Variants in HS3ST5 observed in about 807,000 individuals in gnomAD.
HS3ST5 encodes heparan sulfate glucosamine 3-O-sulfotransferase 5.
In HS3ST5, 10 loss-of-function variants were observed where a neutral mutation model predicts 25.4. The ratio of observed to expected loss-of-function variants is 0.39; its 90% CI spans 0.24 to 0.67. The LOEUF (loss-of-function observed/expected upper bound fraction) is 0.67. Among genes scored for constraint, HS3ST5 ranks in the 30% least tolerant of loss-of-function variants. The probability of loss-of-function intolerance (pLI) is 0.44; values close to 1 mark genes in which losing one functional copy is unlikely to be tolerated. For missense variants in HS3ST5, 324 were observed against 420.7 expected (o/e 0.77, Z 2.01); for synonymous variants, 170 against 162.4 (o/e 1.05, Z -0.36).
At chr6:114,216,570 C>T (rs1052525059) in intron 2 of HS3ST5, among the ~76,000 whole-genome samples, 1 of 151,940 alleles carries the variant, frequency 6.6e-6, no homozygotes. Context: ...CATTGCTTTA[C>T]TATCTACAGG....
chr6:114,062,755 C>T lies in HS3ST5; in HGVS notation c.91G>A (p.Val31Ile), dbSNP rs752465476. ...AGCACCCACCTATCCAAGCTCCCAA[C>T]TCTGGCGACTAGATACAGGAGACTC... is the stretch of plus-strand genomic sequence containing the variant. Reference protein sequence around the residue: ...VGSLLYLVARVGSLDRLQPIC... With the variant: ...VGSLLYLVARIGSLDRLQPIC... The change falls in exon 4 of 5, where the codon GTT becomes ATT. Residue 31 changes from valine to isoleucine, a missense_variant. Coordinates refer to ENST00000312719, the MANE Select transcript of HS3ST5 (RefSeq NM_153612.4). 1 of 1,613,748 alleles carries T rather than the reference C, an allele frequency of 6.2e-7. No homozygotes were observed. Among genetic ancestry groups the T allele is most frequent in the Admixed American group, 1.7e-5 (1 of 60,028 alleles).
At chr6:114,078,195 A>T (rs1168420325) in intron 3 of HS3ST5, among the ~76,000 whole-genome samples, 6 of 151,996 alleles carry the variant, frequency 3.9e-5, no homozygotes, top group African/African-American at 1.4e-4. Context: ...ATAAACATAC[A>T]GTTTTCTTTT....
intron 2 of HS3ST5, among the ~76,000 whole-genome samples, chr6:114,210,015 C>T (rs2114426381): frequency 6.6e-6 from 1 of 152,158 alleles, no homozygotes; most frequent in East Asian, 1.9e-4. Context: ...TGTTCATAGC[C>T]TTTGATTTTT....
intron 2 of HS3ST5, among the ~76,000 whole-genome samples, chr6:114,215,903 C>T (rs1416512486): frequency 6.6e-6 from 1 of 152,174 alleles, no homozygotes; most frequent in African/African-American, 2.4e-5. Context: ...GCCACAGAAG[C>T]TTTGTTTCAT....
At chr6:114,178,066 C>G (rs1017440783) in intron 2 of HS3ST5, among the ~76,000 whole-genome samples, 1 of 152,104 alleles carries the variant, frequency 6.6e-6, no homozygotes, top group Non-Finnish European at 1.5e-5. Flanking sequence ...AAGACTTGCT[C>G]TTAACAGTTT....
chr6:114,134,345 G>A (rs547454557), intron 3 of HS3ST5, among the ~76,000 whole-genome samples: 1 of 152,312 alleles, frequency 6.6e-6, no homozygotes, highest in Admixed American at 6.5e-5. Context: ...AGGTTGCACT[G>A]CTGGCTTGGA....
intron 2 of HS3ST5, among the ~76,000 whole-genome samples, chr6:114,215,922 G>T (rs185625518): frequency 6.6e-5 from 10 of 152,232 alleles, no homozygotes; most frequent in African/African-American, 2.2e-4. Context: ...ATTTTGGTGG[G>T]ATCTAATTAC....
intron 1 of HS3ST5, among the ~76,000 whole-genome samples, chr6:114,280,206 G>T (rs1774044947): frequency 6.6e-6 from 1 of 151,916 alleles, no homozygotes; most frequent in Admixed American, 6.6e-5. Context: ...AAAACACAAA[G>T]AATGTGGAAA....
chr6:114,110,917 C>T (rs1776234404), intron 3 of HS3ST5, among the ~76,000 whole-genome samples: 2 of 152,138 alleles, frequency 1.3e-5, no homozygotes, highest in South Asian at 4.2e-4. Context: ...AAGCATAGGG[C>T]AATTTCCTAT....
At chr6:114,148,851 C>T (rs918053156) in intron 3 of HS3ST5, among the ~76,000 whole-genome samples, 2 of 151,972 alleles carry the variant, frequency 1.3e-5, no homozygotes, top group African/African-American at 2.4e-5. Flanking sequence ...ATCTGACAGT[C>T]GTAATATCCA....
In HS3ST5 at chr6:114,335,861, C is replaced by T. The variant is rs577062501; in HGVS notation, c.-339+6334G>A. Among the ~76,000 whole-genome samples, 14 of 152,100 alleles carry T rather than the reference C, an allele frequency of 9.2e-5. 1 individual carries two copies. The East Asian group carries it at 2.1e-3, about 23-fold the overall frequency. ...TAGAGACAGGGTTTCACCATGTTGG[C>T]CAGGATGGTCTTGATCTCTTGACCT... is the stretch of plus-strand genomic sequence containing the variant. On this transcript the variant is annotated intron_variant, in intron 1 of 4. Coordinates refer to ENST00000312719, the MANE Select transcript of HS3ST5 (RefSeq NM_153612.4).
At chr6:114,141,063 A>G (rs912359733) in intron 3 of HS3ST5, among the ~76,000 whole-genome samples, 1 of 152,220 alleles carries the variant, frequency 6.6e-6, no homozygotes, top group Non-Finnish European at 1.5e-5. Context: ...AAATGAGTGC[A>G]TTATACATAC....
At chr6:114,214,311 G>C (rs1408668879) in intron 2 of HS3ST5, among the ~76,000 whole-genome samples, 1 of 152,130 alleles carries the variant, frequency 6.6e-6, no homozygotes, top group East Asian at 1.9e-4. Flanking sequence ...AATTTCCCCA[G>C]TTTTTCCAGC....
At chr6:114,242,613 C>G (rs1270159905) in intron 1 of HS3ST5, among the ~76,000 whole-genome samples, 2 of 152,272 alleles carry the variant, frequency 1.3e-5, no homozygotes, top group East Asian at 3.9e-4. Flanking sequence ...GGTGGGATGT[C>G]TAGGCCGAGG....
intron 2 of HS3ST5, among the ~76,000 whole-genome samples, chr6:114,214,685 T>C (rs1470146501): frequency 6.6e-6 from 1 of 152,200 alleles, no homozygotes; most frequent in Non-Finnish European, 1.5e-5. Context: ...TTACAAAAGG[T>C]AGAGAGCAAG....
chr6:114,245,142 A>T (rs1476531657), intron 1 of HS3ST5, among the ~76,000 whole-genome samples: 4 of 152,198 alleles, frequency 2.6e-5, no homozygotes. Flanking sequence ...ACATATCTAC[A>T]GTTTGCAATT....
chr6:114,095,168 T>G (rs892420469), intron 3 of HS3ST5, among the ~76,000 whole-genome samples: 29 of 152,182 alleles, frequency 1.9e-4, no homozygotes, highest in African/African-American at 7.0e-4. Flanking sequence ...TAACACAGCA[T>G]AGAAAGCAAA....
At chr6:114,240,134 G>T (rs1436911103) in intron 1 of HS3ST5, among the ~76,000 whole-genome samples, 4 of 151,978 alleles carry the variant, frequency 2.6e-5, no homozygotes, top group Admixed American at 6.6e-5. Context: ...ACCATTCTCT[G>T]TCTCTGAGTT....
intron 2 of HS3ST5, among the ~76,000 whole-genome samples, chr6:114,181,311 C>T (rs1216850482): frequency 6.6e-6 from 1 of 152,084 alleles, no homozygotes; most frequent in African/African-American, 2.4e-5. Context: ...CCTGAATCAC[C>T]CAAACCATGG....
Sources: gnomAD v4.1 joint callset for allele counts (sites outside exome capture counted in the v4.1 genomes callset) on GRCh38, gnomAD v4.1.1 for gene constraint, MANE v1.5 for transcripts, NCBI Gene and HGNC (gene_info 2026-07-23, HGNC 2026-07-21) for gene names.